The following WWOX variants were observed in gnomAD, a reference collection of about 807,000 sequenced individuals.
WWOX encodes the protein WW domain-containing oxidoreductase.
A neutral mutation model predicts 46.2 loss-of-function variants in WWOX; 69 were observed. The ratio of observed to expected loss-of-function variants is 1.49; its 90% CI spans 1.23 to 1.82. The LOEUF is 1.82. WWOX is among the 40% of genes most tolerant of loss of function. WWOX has a pLI of 0.00. For synonymous variants in WWOX, 359 were observed against 202.6 expected (o/e 1.77, Z -6.56); for missense variants, 919 against 542.6 (o/e 1.69, Z -6.89).
chr16:79,092,568 C>T lies in WWOX; in HGVS notation c.1057-119040C>T, dbSNP rs1359499546. ...TGCAGTTCAGGGAAAAGGCCAGCAG[C>T]CACGTTCCTTGTTTTGTGTAATTGG... On this transcript the variant is annotated intron_variant, in intron 8 of 8. Coordinates refer to ENST00000566780, the MANE Select transcript of WWOX (RefSeq NM_016373.4). 2.0e-5 allele frequency among the ~76,000 whole-genome samples: 3 copies of T among 152,282 alleles called. No homozygotes were observed. In the East Asian group the frequency reaches 5.8e-4, roughly 29 times the overall value.
intron 5 of WWOX, among the ~76,000 whole-genome samples, chr16:78,297,222 C>T (rs1042665375): frequency 5.9e-5 from 9 of 152,070 alleles, no homozygotes; most frequent in African/African-American, 1.9e-4. Context: ...GGCTCTCGCA[C>T]GGAGCATGCA....
intron 8 of WWOX, among the ~76,000 whole-genome samples, chr16:79,098,586 T>C (rs1191318685): frequency 1.3e-5 from 2 of 152,236 alleles, no homozygotes; most frequent in East Asian, 3.9e-4. Flanking sequence ...CAAACTTCCC[T>C]TGTAATCACC....
chr16:78,122,441 T>G (rs1042264988), intron 4 of WWOX, among the ~76,000 whole-genome samples: 2 of 152,170 alleles, frequency 1.3e-5, no homozygotes, highest in African/African-American at 4.8e-5. Flanking sequence ...TTAAAAAAAT[T>G]AATAATAGAT....
chr16:79,067,501 C>G (rs1226302540), intron 8 of WWOX, among the ~76,000 whole-genome samples: 1 of 151,982 alleles, frequency 6.6e-6, no homozygotes, highest in Non-Finnish European at 1.5e-5. Context: ...CCCCTTTACC[C>G]TTTATAGTGT....
At chr16:78,223,094 T>C (rs1208425743) in intron 5 of WWOX, among the ~76,000 whole-genome samples, 1 of 152,178 alleles carries the variant, frequency 6.6e-6, no homozygotes, top group Non-Finnish European at 1.5e-5. Context: ...ATTTATGTGA[T>C]TTGGGTACCT....
intron 5 of WWOX, among the ~76,000 whole-genome samples, chr16:78,301,075 A>G (rs1451006914): frequency 2.6e-5 from 4 of 152,176 alleles, no homozygotes; most frequent in Non-Finnish European, 5.9e-5. Context: ...GACATCAACA[A>G]ACTTTACCCT....
chr16:78,846,993 G>C (rs983694188), intron 8 of WWOX, among the ~76,000 whole-genome samples: 6 of 152,190 alleles, frequency 3.9e-5, no homozygotes, highest in African/African-American at 1.4e-4. Flanking sequence ...AATTGTTCCG[G>C]CTTTGGCCCA....
At chr16:78,967,510 C>T (rs2046385852) in intron 8 of WWOX, among the ~76,000 whole-genome samples, 2 of 123,568 alleles carry the variant, frequency 1.6e-5, no homozygotes, top group Admixed American at 2.0e-4. Flanking sequence ...TCACCATGTT[C>T]TCCAGGCTGG....
At chr16:78,787,164 CAAACA>C in intron 8 of WWOX, among the ~76,000 whole-genome samples, 1 of 152,040 alleles carries the variant, frequency 6.6e-6, no homozygotes, top group Non-Finnish European at 1.5e-5. Flanking sequence ...AAAAATAAAA[CAAACA>C]AAACAAAAAA....
At chr16:79,197,131 C>T (rs549712665) in intron 8 of WWOX, among the ~76,000 whole-genome samples, 3 of 152,204 alleles carry the variant, frequency 2.0e-5, no homozygotes, top group East Asian at 1.9e-4. Context: ...CAAGTTGAAA[C>T]ATGCTTAAAA....
chr16:78,791,018 C>CAAAA (rs775592585), intron 8 of WWOX, among the ~76,000 whole-genome samples: 675 of 62,122 alleles, frequency 0.011, 21 homozygotes, highest in African/African-American at 0.034. Flanking sequence ...GACCCTGTCT[C>CAAAA]AAAAAAAAAA....
intron 8 of WWOX, among the ~76,000 whole-genome samples, chr16:78,948,491 C>T (rs1215891730): frequency 6.6e-6 from 1 of 152,094 alleles, no homozygotes; most frequent in Admixed American, 6.5e-5. Flanking sequence ...GAGAACCTCC[C>T]GTTTCCTGAA....
chr16:78,741,001 A>C (rs2049210911), intron 8 of WWOX, among the ~76,000 whole-genome samples: 1 of 152,176 alleles, frequency 6.6e-6, no homozygotes, highest in Non-Finnish European at 1.5e-5. Context: ...TGGGTCTCCT[A>C]AGTGGGATAC....
intron 8 of WWOX, chr16:78,551,179 A>T (rs566734376): frequency 2.0e-5 from 3 of 152,190 alleles, no homozygotes; most frequent in African/African-American, 4.8e-5. Context: ...CCATGAAACA[A>T]ATATCGTGAA....
At chr16:78,322,031 C>G (rs368818154) in intron 5 of WWOX, among the ~76,000 whole-genome samples, 1 of 152,172 alleles carries the variant, frequency 6.6e-6, no homozygotes, top group Admixed American at 6.5e-5. Context: ...CTAAAGTGGA[C>G]AGACCCAAAT....
chr16:78,849,753 T>G (rs1028258923), intron 8 of WWOX, among the ~76,000 whole-genome samples: 2 of 151,756 alleles, frequency 1.3e-5, no homozygotes, highest in African/African-American at 4.8e-5. Context: ...TGTTCTTACC[T>G]GAGCCAAAGG....
intron 8 of WWOX, among the ~76,000 whole-genome samples, chr16:78,642,096 T>A (rs951969900): frequency 2.6e-5 from 4 of 152,190 alleles, no homozygotes; most frequent in Non-Finnish European, 4.4e-5. Context: ...TAGGAGACTG[T>A]CTGTCCCCCA....
chr16:78,868,602 C>G (rs571091421), intron 8 of WWOX, among the ~76,000 whole-genome samples: 5 of 152,116 alleles, frequency 3.3e-5, no homozygotes, highest in African/African-American at 9.7e-5. Flanking sequence ...GTTACAGGAA[C>G]ATAGAAAGAT....
intron 8 of WWOX, among the ~76,000 whole-genome samples, chr16:79,126,713 A>C (rs2049764333): frequency 6.6e-6 from 1 of 152,170 alleles, no homozygotes; most frequent in Non-Finnish European, 1.5e-5. Flanking sequence ...CAGGCTGGAA[A>C]ACTGAGTTGA....
Sources: gnomAD v4.1 joint callset for allele counts (sites outside exome capture counted in the v4.1 genomes callset) on GRCh38, gnomAD v4.1.1 for gene constraint, MANE v1.5 for transcripts, NCBI Gene and HGNC (gene_info 2026-07-23, HGNC 2026-07-21) for gene names.